Variants in EAPP observed in about 807,000 individuals in gnomAD.
EAPP encodes E2F-associated phosphoprotein.
In EAPP, 38 loss-of-function variants were observed where a neutral mutation model predicts 34.3. The ratio of observed to expected loss-of-function variants is 1.11; its 90% CI spans 0.85 to 1.45. EAPP has a LOEUF of 1.45. Ranked by LOEUF, EAPP falls within the 40% of genes most tolerant of loss-of-function variation. The pLI, the probability that EAPP is intolerant of heterozygous loss-of-function variation, is 0.00. For missense variants in EAPP, 338 were observed against 343.7 expected, an observed-to-expected ratio of 0.98 and a Z score of 0.13; for synonymous variants, 113 against 117.6, an observed-to-expected ratio of 0.96 and a Z score of 0.25.
chr14:34,525,294 C>T (rs968495833), intron 4 of EAPP, among the ~76,000 whole-genome samples: 5 of 152,092 alleles, frequency 3.3e-5, no homozygotes, highest in Non-Finnish European at 7.4e-5. Context: ...CCAAAGAGTA[C>T]GGTATGGTAA....
intron 5 of EAPP, among the ~76,000 whole-genome samples, chr14:34,518,254 G>C (rs533399880): frequency 1.3e-5 from 2 of 151,130 alleles, no homozygotes; most frequent in East Asian, 2.0e-4. Flanking sequence ...CCATTACTGA[G>C]AGTGGAGTGT....
chr14:34,518,700 T>C (rs117443621), intron 5 of EAPP, among the ~76,000 whole-genome samples: 2,006 of 152,302 alleles, frequency 0.013, 25 homozygotes, highest in Non-Finnish European at 0.017. Flanking sequence ...TATACTGTTA[T>C]ATAAATTCCT....
At chr14:34,528,611 A>G (rs1880172603) in intron 4 of EAPP, among the ~76,000 whole-genome samples, 2 of 147,664 alleles carry the variant, frequency 1.4e-5, no homozygotes, top group Non-Finnish European at 3.0e-5. Context: ...GTAGAGACAG[A>G]GTTTCACTAT....
At position 34,535,456 on chromosome 14, in the gene EAPP, G is replaced by A. The variant is rs558744746; in HGVS notation, c.256+638C>T. On this transcript the variant is annotated intron_variant, in intron 2 of 5. Transcript: ENST00000250454. ...CTACAGATTTTTTTTTTTTTTAGAT[G>A]GAGTCTCGCTCTGTCGCTCAGGCTG... Among the ~76,000 whole-genome samples, 58 of 74,044 alleles carry A rather than the reference G, an allele frequency of 7.8e-4. No homozygotes were observed. In the South Asian group the frequency reaches 0.014, roughly 18 times the overall value. The allele number at this position is 74,044 out of a possible 152,430, so 48.6% of individuals were successfully genotyped here.
intron 2 of EAPP, among the ~76,000 whole-genome samples, chr14:34,535,257 G>C (rs1219642377): frequency 2.7e-5 from 4 of 150,738 alleles, no homozygotes; most frequent in African/African-American, 9.8e-5. Flanking sequence ...GGCCTCCCAA[G>C]TAGCTGGGAC....
chr14:34,527,154 G>A (rs1444497491), intron 4 of EAPP, among the ~76,000 whole-genome samples: 2 of 99,704 alleles, frequency 2.0e-5, no homozygotes, highest in African/African-American at 3.8e-5. Context: ...GGCAACAAGA[G>A]CAAAACTCCG....
intron 1 of EAPP, among the ~76,000 whole-genome samples, chr14:34,536,633 TTTTTG>T (rs949783254): frequency 4.6e-5 from 7 of 151,704 alleles, no homozygotes; most frequent in Non-Finnish European, 8.8e-5. Flanking sequence ...CCCAGCTGTT[TTTTTG>T]TTTTGTTTTG....
chr14:34,535,361 C>T (rs1457641408), intron 2 of EAPP, among the ~76,000 whole-genome samples: 1 of 151,422 alleles, frequency 6.6e-6, no homozygotes, highest in African/African-American at 2.4e-5. Context: ...AACTCCTGAC[C>T]TCAGGTGATC....
intron 1 of EAPP, 41 bp downstream of exon 1, chr14:34,539,514 C>G (rs752480770): frequency 6.3e-7 from 1 of 1,596,682 alleles, no homozygotes. Context: ...AGCCAGGCCT[C>G]GACCCAAATC....
rs1180289298 is a variant in EAPP, at chr14:34,528,415, C to CTT, written c.470+941_470+942dup. The stretch of plus-strand genomic sequence containing the variant: ...AAATCCACTCTTCATCCACAAAACC[C>CTT]TTTTTTTTTTTTTTTTTTTTTTTTG... On this transcript the variant is annotated intron_variant, in intron 4 of 5. Transcript: ENST00000250454. 2.4e-3 allele frequency among the ~76,000 whole-genome samples: 128 copies of CTT among 54,034 alleles called. 1 individual carries two copies. The highest frequency in any genetic ancestry group is 5.3e-3 in the African/African-American group (79 of 14,796). 35.4% of individuals were successfully genotyped at this position (54,034 alleles called of 152,430 possible). A position where few individuals can be genotyped will look rare whatever the true frequency, so the allele number is the denominator to read the frequency against.
intron 3 of EAPP, among the ~76,000 whole-genome samples, chr14:34,532,852 T>A (rs1652146685): frequency 6.6e-6 from 1 of 152,082 alleles, no homozygotes; most frequent in Non-Finnish European, 1.5e-5. Flanking sequence ...TTTTTTTGTA[T>A]TTTTAATAGA....
At chr14:34,523,383 G>A (rs964827201) in intron 5 of EAPP, among the ~76,000 whole-genome samples, 4 of 151,326 alleles carry the variant, frequency 2.6e-5, no homozygotes, top group Admixed American at 1.3e-4. Context: ...GACTACAGGC[G>A]CCCGCCACCA....
chr14:34,534,514 T>C (rs1171464165), intron 2 of EAPP, among the ~76,000 whole-genome samples: 1 of 152,198 alleles, frequency 6.6e-6, no homozygotes, highest in Non-Finnish European at 1.5e-5. Context: ...CTATGTTTCA[T>C]TACTCACTAA....
rs762693121 is a variant in EAPP, at chr14:34,533,435, G to A, written c.352+9C>T. On this transcript the variant is annotated intron_variant, in intron 3 of 5. Transcript: ENST00000250454. ...TATAACTGCTAAACCTGGTAAATAGGTTACTTACCTGCTCTGTCTTCATCC... is the reference window on the plus strand; with the variant it reads ...TATAACTGCTAAACCTGGTAAATAGATTACTTACCTGCTCTGTCTTCATCC... 6.3e-7 allele frequency: 1 copy of A among 1,581,906 alleles called. No individual in the cohort carries two copies. The highest frequency in any genetic ancestry group is 1.3e-5 in the African/African-American group (1 of 74,296).
chr14:34,525,166 G>A lies in EAPP; in HGVS notation c.471-359C>T, dbSNP rs538166984. 2.6e-5 allele frequency among the ~76,000 whole-genome samples: 4 copies of A among 152,228 alleles called. 1 individual carries two copies. In the South Asian group the frequency reaches 6.2e-4, roughly 24 times the overall value. Reference sequence around the variant, plus strand: ...TGTACTGAATAAATAAATAAATGGAGGAGAACAGACAAATCCCCACACAGA... The same window carrying A: ...TGTACTGAATAAATAAATAAATGGAAGAGAACAGACAAATCCCCACACAGA... On this transcript the variant is annotated intron_variant, in intron 4 of 5. Coordinates refer to ENST00000250454, the MANE Select transcript of EAPP (RefSeq NM_018453.4).
chr14:34,518,471 T>C (rs1879811092), intron 5 of EAPP, among the ~76,000 whole-genome samples: 1 of 151,476 alleles, frequency 6.6e-6, no homozygotes, highest in Admixed American at 6.6e-5. Flanking sequence ...AGTAGCTAGA[T>C]TACAGGCACC....
intron 4 of EAPP, among the ~76,000 whole-genome samples, chr14:34,525,961 A>C (rs770193642): frequency 4.6e-5 from 7 of 152,100 alleles, no homozygotes; most frequent in East Asian, 1.9e-4. Flanking sequence ...CGGAGCTTGC[A>C]GTGAGCCGAG....
intron 4 of EAPP, 64 bp downstream of exon 4, chr14:34,529,294 G>T: frequency 8.4e-7 from 1 of 1,188,872 alleles, no homozygotes; most frequent in Non-Finnish European, 1.2e-6. Flanking sequence ...AAATGTGAAT[G>T]TAGTAAAAAT....
rs1880356187 is a variant in EAPP at position 34,533,306 on chromosome 14, A to G, written c.352+138T>C. ...TGCATCAGCCTCCCAAAGTGCTGCC[A>G]TTACAGGTGTGAGCCACCATGCCTA... On this transcript the variant is annotated intron_variant, in intron 3 of 5. Transcript: ENST00000250454. The G allele has an allele frequency of 2.6e-5, 18 of 688,048 alleles. No homozygotes were observed. In the South Asian group the frequency reaches 3.1e-4, roughly 12 times the overall value. The allele number at this position is 688,048 out of a possible 1,614,324, so 42.6% of individuals were successfully genotyped here.
Sources: gnomAD v4.1 joint callset for allele counts (sites outside exome capture counted in the v4.1 genomes callset) on GRCh38, gnomAD v4.1.1 for gene constraint, MANE v1.5 for transcripts, NCBI Gene and HGNC (gene_info 2026-07-23, HGNC 2026-07-21) for gene names.